Variants in FAM178B observed in about 807,000 individuals in gnomAD.
The protein encoded by FAM178B is protein FAM178B.
FAM178B carries 82 observed loss-of-function variants against 91.7 expected under a neutral mutation model. That is an observed-to-expected ratio of 0.89 (90% confidence interval 0.75 to 1.07). The LOEUF (loss-of-function observed/expected upper bound fraction) is 1.07, where lower values mean the gene tolerates loss of function less well. Ranked by LOEUF, FAM178B falls within the 50% of genes least tolerant of loss-of-function variation. The pLI is 0.00. For missense variants in FAM178B, 769 were observed against 846.7 expected (o/e 0.91, Z 1.14); for synonymous variants, 368 against 359.4 (o/e 1.02, Z -0.27).
intron 12 of FAM178B, among the ~76,000 whole-genome samples, chr2:96,909,817 G>A (rs1473537027): frequency 6.6e-6 from 1 of 152,186 alleles, no homozygotes; most frequent in African/African-American, 2.4e-5. Flanking sequence ...CATGTCATCT[G>A]TGAATCTGAC....
intron 5 of FAM178B, among the ~76,000 whole-genome samples, chr2:96,960,803 T>C (rs953508391): frequency 2.6e-5 from 4 of 151,702 alleles, no homozygotes; most frequent in African/African-American, 9.7e-5. Flanking sequence ...ATCACGGCAA[T>C]CCCCTCTGGC....
intron 14 of FAM178B, among the ~76,000 whole-genome samples, chr2:96,881,342 G>A (rs1370449459): frequency 6.6e-6 from 1 of 151,990 alleles, no homozygotes; most frequent in African/African-American, 2.4e-5. Context: ...ATGAGAGGTG[G>A]CAGGGGATGC....
intron 8 of FAM178B, among the ~76,000 whole-genome samples, chr2:96,933,197 C>A (rs1050961774): frequency 6.6e-6 from 1 of 151,982 alleles, no homozygotes; most frequent in African/African-American, 2.4e-5. Flanking sequence ...TAGCCGAGAT[C>A]GCGCCACTGC....
chr2:96,898,276 C>T (rs971424393), intron 13 of FAM178B: 10 of 253,782 alleles, frequency 3.9e-5, no homozygotes, highest in Non-Finnish European at 5.6e-5. Context: ...CATGAAGTGG[C>T]GGGTGTGGTC....
chr2:96,931,121 A>T (rs1259646428), intron 8 of FAM178B, among the ~76,000 whole-genome samples: 2 of 152,204 alleles, frequency 1.3e-5, no homozygotes, highest in African/African-American at 4.8e-5. Flanking sequence ...CAGAAGGCAG[A>T]TGTTAAATTT....
At chr2:96,902,584 A>G (rs1474620751) in intron 13 of FAM178B, 36 bp downstream of exon 13, 8 of 1,443,954 alleles carry the variant, frequency 5.5e-6, no homozygotes, top group Admixed American at 2.0e-5. Flanking sequence ...CCCGCAGGCC[A>G]TGGCCTTCCT....
At chr2:96,930,737 T>C (rs1160612442) in intron 8 of FAM178B, among the ~76,000 whole-genome samples, 1 of 152,220 alleles carries the variant, frequency 6.6e-6, no homozygotes. Flanking sequence ...AGCTCATATG[T>C]TGAAATTTAA....
intron 7 of FAM178B, 135 bp from the exon 8 acceptor site, chr2:96,948,037 A>G: frequency 1.7e-6 from 1 of 602,480 alleles, no homozygotes; most frequent in East Asian, 2.8e-5. Context: ...GTAGAAGGAC[A>G]TTGTCATTGT....
chr2:96,943,633 A>T (rs1200590670), intron 8 of FAM178B, among the ~76,000 whole-genome samples: 1 of 152,200 alleles, frequency 6.6e-6, no homozygotes, highest in Non-Finnish European at 1.5e-5. Context: ...TAAAACAACC[A>T]ACCATTCCAT....
intron 12 of FAM178B, among the ~76,000 whole-genome samples, chr2:96,912,790 A>G (rs2081180859): frequency 6.6e-6 from 1 of 151,996 alleles, no homozygotes; most frequent in African/African-American, 2.4e-5. Flanking sequence ...TCCTTCCTCC[A>G]GGTTTGGTGC....
chr2:96,950,177 G>A (rs1438356962), intron 7 of FAM178B: 19 of 985,230 alleles, frequency 1.9e-5, no homozygotes, highest in African/African-American at 3.5e-5. Context: ...TGTGGGTGCC[G>A]TCTCAGATGG....
intron 8 of FAM178B, among the ~76,000 whole-genome samples, chr2:96,931,834 G>T (rs2081544588): frequency 6.6e-6 from 1 of 151,920 alleles, no homozygotes; most frequent in Non-Finnish European, 1.5e-5. Flanking sequence ...TCTTGGAGGA[G>T]GAAAAACTTT....
chr2:96,876,129 G>A lies in FAM178B; in HGVS notation c.*147C>T, dbSNP rs779594067. On this transcript the variant is annotated 3_prime_UTR_variant, in exon 17 of 17. Coordinates refer to ENST00000490605, the MANE Select transcript of FAM178B (RefSeq NM_001122646.3). ...GGCTCTTGCAGAGAGGAGAGGGGTC[G>A]GGGCGGTGGCAGGGGCAGGCTCTTG... 115 of 758,906 alleles carry A rather than the reference G, an allele frequency of 1.5e-4. 1 individual carries two copies. Among genetic ancestry groups the A allele is most frequent in the Non-Finnish European group, 8.6e-5 (40 of 465,890 alleles). The allele number at this position is 758,906 out of a possible 1,614,324, so 47.0% of individuals were successfully genotyped here. A position where few individuals can be genotyped will look rare whatever the true frequency, so the allele number is the denominator to read the frequency against.
At chr2:96,953,615 A>G (rs967361542) in intron 6 of FAM178B, among the ~76,000 whole-genome samples, 69 of 152,210 alleles carry the variant, frequency 4.5e-4, no homozygotes, top group Non-Finnish European at 1.0e-4. Flanking sequence ...CTGCTGAGAA[A>G]ATTTTGTCTA....
chr2:96,929,465 T>C, intron 8 of FAM178B, 145 bp from the exon 9 acceptor site: 1 of 649,472 alleles, frequency 1.5e-6, no homozygotes. Context: ...TCTGGGGAAA[T>C]GAAGCAACTG....
chr2:96,902,997 T>C (rs1172146181), intron 12 of FAM178B, among the ~76,000 whole-genome samples: 1 of 152,224 alleles, frequency 6.6e-6, no homozygotes, highest in African/African-American at 2.4e-5. Flanking sequence ...CCGATACATA[T>C]CCATGGATCC....
chr2:96,967,486 C>T (rs557102231), intron 5 of FAM178B, 34 bp downstream of exon 5: 3 of 1,404,236 alleles, frequency 2.1e-6, no homozygotes, highest in Admixed American at 2.0e-5. Context: ...AGTCTTTCCC[C>T]TTCGGAGGCT....
chr2:96,957,970 T>C (rs1009881938), intron 6 of FAM178B, among the ~76,000 whole-genome samples: 2 of 152,158 alleles, frequency 1.3e-5, no homozygotes, highest in African/African-American at 4.8e-5. Context: ...TGGTTAAATA[T>C]GTTAGGGCAT....
rs191288606 is a variant in FAM178B, at chr2:96,929,299, C to T, written c.1100G>A (p.Cys367Tyr). The change falls in exon 9 of 17, where the codon TGC becomes TAC. Residue 367 changes from cysteine (C) to tyrosine (Y), a missense_variant. Coordinates refer to ENST00000490605, the MANE Select transcript of FAM178B (RefSeq NM_001122646.3). ...LQPDEDKHLWCPSLQEVREAF... is the reference protein window; with the variant it reads ...LQPDEDKHLWYPSLQEVREAF... ...CTCCCTGACTTCTTGCAGTGAGGGG[C>T]ACCACAGGTGCTTGTCTTCATCTGT... The T allele has an allele frequency of 7.1e-6, 11 of 1,551,256 alleles. No individual in the cohort carries two copies. The South Asian group carries it at 1.1e-4, about 15-fold the overall frequency.
Sources: gnomAD v4.1 joint callset for allele counts (sites outside exome capture counted in the v4.1 genomes callset) on GRCh38, gnomAD v4.1.1 for gene constraint, MANE v1.5 for transcripts, NCBI Gene and HGNC (gene_info 2026-07-23, HGNC 2026-07-21) for gene names.